The following GABRG1 variants were observed in gnomAD, a reference collection of about 807,000 sequenced individuals.
GABRG1 encodes gamma-aminobutyric acid receptor subunit gamma-1.
Under a neutral mutation model 49.8 loss-of-function variants are expected in GABRG1, and 49 were observed. That is an observed-to-expected ratio of 0.98 (90% confidence interval 0.78 to 1.25). The LOEUF is 1.25. Among genes scored for constraint, GABRG1 ranks in the 50% most tolerant of loss-of-function variants. The pLI is 0.00. For missense variants in GABRG1, 552 were observed against 552.3 expected, an observed-to-expected ratio of 1.00 and a Z score of 0.01; for synonymous variants, 232 against 185.1, an observed-to-expected ratio of 1.25 and a Z score of -2.06.
chr4:46,118,476 A>G (rs532258387), intron 1 of GABRG1, among the ~76,000 whole-genome samples: 3 of 151,164 alleles, frequency 2.0e-5, no homozygotes, highest in South Asian at 2.1e-4. Context: ...TTAATATGCT[A>G]TCTTGACACA....
chr4:46,104,723 C>T (rs111502426), intron 1 of GABRG1, among the ~76,000 whole-genome samples: 25 of 151,488 alleles, frequency 1.7e-4, no homozygotes, highest in African/African-American at 6.0e-4. Context: ...TTTTATTAAA[C>T]TTCATTTGAC....
chr4:46,057,858 C>G (rs1430569001), intron 7 of GABRG1, among the ~76,000 whole-genome samples: 2 of 152,034 alleles, frequency 1.3e-5, no homozygotes, highest in Non-Finnish European at 2.9e-5. Context: ...AGTGACTCAG[C>G]TATAACATAA....
chr4:46,087,187 G>A (rs1449450585), intron 2 of GABRG1, among the ~76,000 whole-genome samples: 7 of 151,410 alleles, frequency 4.6e-5, no homozygotes, highest in African/African-American at 1.7e-4. Flanking sequence ...ATTTGTGTAA[G>A]ACTTATAGTA....
In GABRG1 at chr4:46,058,198, A is replaced by T; in HGVS notation, c.916+19T>A. On this transcript the variant is annotated intron_variant, in intron 7 of 8. Coordinates refer to ENST00000295452, the MANE Select transcript of GABRG1 (RefSeq NM_173536.4). ...TTTTAAAGTTCTATGGCATTATAGC[A>T]TAATATTACATGTCATACCCAACGA... 6.3e-7 allele frequency: 1 copy of T among 1,596,882 alleles called. No homozygotes were observed. Among genetic ancestry groups the T allele is most frequent in the Non-Finnish European group, 8.5e-7 (1 of 1,172,982 alleles).
At chr4:46,106,669 G>C (rs888497761) in intron 1 of GABRG1, among the ~76,000 whole-genome samples, 5 of 151,236 alleles carry the variant, frequency 3.3e-5, no homozygotes, top group African/African-American at 1.2e-4. Context: ...TCAATAATTA[G>C]GTATATGAAC....
intron 4 of GABRG1, among the ~76,000 whole-genome samples, chr4:46,064,799 A>T (rs531143679): frequency 6.6e-6 from 1 of 152,282 alleles, no homozygotes; most frequent in South Asian, 2.1e-4. Flanking sequence ...TTCATACTTC[A>T]ATATGTCAGC....
intron 5 of GABRG1, among the ~76,000 whole-genome samples, chr4:46,062,046 T>G: frequency 9.8e-6 from 1 of 102,530 alleles, no homozygotes; most frequent in South Asian, 3.4e-4. Flanking sequence ...CCCACAACAG[T>G]CCCCAGAGTG....
intron 3 of GABRG1, among the ~76,000 whole-genome samples, chr4:46,076,532 G>C (rs1233318959): frequency 6.6e-6 from 1 of 151,252 alleles, no homozygotes; most frequent in Non-Finnish European, 1.5e-5. Flanking sequence ...GAGTATGTTT[G>C]AATCAGCTAT....
At chr4:46,080,380 A>C (rs2109420340) in intron 3 of GABRG1, among the ~76,000 whole-genome samples, 2 of 152,000 alleles carry the variant, frequency 1.3e-5, no homozygotes, top group East Asian at 3.9e-4. Flanking sequence ...TAGTTAAAAT[A>C]GTCTTCTACT....
intron 1 of GABRG1, 118 bp from the exon 2 acceptor site, chr4:46,097,467 T>C (rs889981304): frequency 8.9e-6 from 8 of 902,522 alleles, no homozygotes; most frequent in African/African-American, 3.4e-5. Context: ...AAAAAGGTAT[T>C]ACACTAACAT....
rs1276709377 is a variant in GABRG1 at position 46,038,990 on chromosome 4, T to G, written c.*1998A>C. 1 of 151,732 alleles carries G rather than the reference T, an allele frequency of 6.6e-6. No homozygotes were observed. The highest frequency in any genetic ancestry group is 6.6e-5 in the Admixed American group (1 of 15,196). 9.4% of individuals were successfully genotyped at this position (151,732 alleles called of 1,614,324 possible). A position where few individuals can be genotyped will look rare whatever the true frequency, so the allele number is the denominator to read the frequency against. On this transcript the variant is annotated 3_prime_UTR_variant, in exon 9 of 9. Transcript: ENST00000295452. ...CACTTTTAAGTATTTTAAAATACAGTCATGCTCAGATACACTTGAAAGAGT... is the reference window on the plus strand; with the variant it reads ...CACTTTTAAGTATTTTAAAATACAGGCATGCTCAGATACACTTGAAAGAGT...
At chr4:46,111,145 T>C (rs1720699651) in intron 1 of GABRG1, among the ~76,000 whole-genome samples, 1 of 151,138 alleles carries the variant, frequency 6.6e-6, no homozygotes, top group Non-Finnish European at 1.5e-5. Context: ...AACCACTTCA[T>C]TGTAATTCAG....
rs543646800 is a variant in GABRG1 at position 46,104,313 on chromosome 4, T to G, written c.105-6964A>C. Among the ~76,000 whole-genome samples the G allele has an allele frequency of 4.6e-5, 7 of 151,668 alleles. No individual in the cohort carries two copies. In the East Asian group the frequency reaches 1.2e-3, roughly 25 times the overall value. The stretch of plus-strand genomic sequence containing the variant: ...AGTAGATAATGATGTAATCATCAAC[T>G]GTCTATGAAACCAATACACAGTTTA... On this transcript the variant is annotated intron_variant, in intron 1 of 8. Coordinates refer to ENST00000295452, the MANE Select transcript of GABRG1 (RefSeq NM_173536.4).
intron 5 of GABRG1, among the ~76,000 whole-genome samples, chr4:46,064,022 C>G (rs1178775423): frequency 6.6e-6 from 1 of 152,202 alleles, no homozygotes; most frequent in African/African-American, 2.4e-5. Flanking sequence ...ATGGTAAATA[C>G]TATTTGCCTA....
At chr4:46,106,402 T>A (rs942631733) in intron 1 of GABRG1, among the ~76,000 whole-genome samples, 8 of 151,460 alleles carry the variant, frequency 5.3e-5, no homozygotes, top group Admixed American at 4.6e-4. Flanking sequence ...TTTGTCTAAG[T>A]GCAATTTTGT....
chr4:46,045,840 C>T (rs1426717377), intron 8 of GABRG1, among the ~76,000 whole-genome samples: 1 of 151,966 alleles, frequency 6.6e-6, no homozygotes, highest in Non-Finnish European at 1.5e-5. Context: ...GCTGGAATTA[C>T]AGGAGTGAGC....
intron 5 of GABRG1, among the ~76,000 whole-genome samples, chr4:46,061,817 T>C (rs1024386106): frequency 4.0e-5 from 6 of 151,016 alleles, no homozygotes; most frequent in Non-Finnish European, 8.9e-5. Context: ...CACTTACATT[T>C]TTTTTTTTTT....
At chr4:46,056,151 TAAA>T (rs1182116080) in intron 7 of GABRG1, among the ~76,000 whole-genome samples, 1 of 9,144 alleles carries the variant, frequency 1.1e-4, no homozygotes, top group Non-Finnish European at 1.6e-4. Flanking sequence ...ATAAATAAAT[TAAA>T]AAAAAAAAAA....
At chr4:46,088,805 T>TTTTGTG (rs1553882202) in intron 2 of GABRG1, among the ~76,000 whole-genome samples, 1 of 142,534 alleles carries the variant, frequency 7.0e-6, no homozygotes, top group African/African-American at 2.7e-5. Context: ...GTGTGTGTGT[T>TTTTGTG]TGTGTGTGTT....
Sources: allele counts gnomAD v4.1 joint callset (sites outside exome capture counted in the v4.1 genomes callset), GRCh38; gene constraint gnomAD v4.1.1; transcripts MANE v1.5; gene names NCBI Gene and HGNC (gene_info 2026-07-23, HGNC 2026-07-21).